Variants in AP2B1 observed in about 807,000 individuals in gnomAD.
AP2B1 encodes adaptor related protein complex 2 subunit beta 1.
AP2B1 carries 23 observed loss-of-function variants against 102.0 expected under a neutral mutation model. The ratio of observed to expected loss-of-function variants is 0.23; its 90% CI spans 0.16 to 0.32. AP2B1 has a LOEUF of 0.32. Ranked by LOEUF, AP2B1 falls within the 10% of genes least tolerant of loss-of-function variation. The pLI is 1.00. For synonymous variants in AP2B1, 381 were observed against 421.2 expected (o/e 0.90, Z 1.17); for missense variants, 541 against 1,157.4 (o/e 0.47, Z 7.73).
intron 18 of AP2B1, among the ~76,000 whole-genome samples, chr17:35,706,461 G>T (rs1813405115): frequency 6.6e-6 from 1 of 152,160 alleles, no homozygotes; most frequent in African/African-American, 2.4e-5. Context: ...TTCATGTAGG[G>T]TAGGGCCTGG....
chr17:35,662,616 G>A (rs1258258824), intron 14 of AP2B1, among the ~76,000 whole-genome samples: 2 of 148,440 alleles, frequency 1.3e-5, no homozygotes, highest in Non-Finnish European at 3.0e-5. Context: ...TCACCGTGCA[G>A]ATCCTTCTGG....
At chr17:35,717,122 G>A (rs2076565246) in intron 20 of AP2B1, 73 bp from the exon 21 acceptor site, 1 of 1,514,008 alleles carries the variant, frequency 6.6e-7, no homozygotes, top group African/African-American at 1.4e-5. Context: ...TGGCTCATAA[G>A]GATGTGAGAA....
At chr17:35,656,521 A>T (rs1453783119) in intron 13 of AP2B1, among the ~76,000 whole-genome samples, 3 of 152,220 alleles carry the variant, frequency 2.0e-5, no homozygotes, top group Non-Finnish European at 4.4e-5. Flanking sequence ...AGGTGCTAGA[A>T]TAATGTTTCT....
chr17:35,600,283 A>G (rs1402737015), intron 3 of AP2B1, among the ~76,000 whole-genome samples: 1 of 152,066 alleles, frequency 6.6e-6, no homozygotes, highest in Non-Finnish European at 1.5e-5. Context: ...GGGTTTCACC[A>G]TGTTGGCCAG....
intron 3 of AP2B1, among the ~76,000 whole-genome samples, chr17:35,602,713 C>T (rs948519298): frequency 2.0e-5 from 3 of 152,214 alleles, no homozygotes; most frequent in Non-Finnish European, 2.9e-5. Flanking sequence ...TCTCAGTTCA[C>T]ACTCGCCACA....
chr17:35,695,161 A>G (rs2076117222), intron 18 of AP2B1, among the ~76,000 whole-genome samples: 2 of 152,174 alleles, frequency 1.3e-5, no homozygotes, highest in South Asian at 4.1e-4. Context: ...GGAACTATAT[A>G]GAGTAATTCT....
chr17:35,600,389 A>G, intron 3 of AP2B1, among the ~76,000 whole-genome samples: 1 of 152,118 alleles, frequency 6.6e-6, no homozygotes, highest in Non-Finnish European at 1.5e-5. Flanking sequence ...CGGGCTGTCT[A>G]GTTTTAGTGT....
chr17:35,688,836 C>T (rs1045496367), intron 18 of AP2B1, among the ~76,000 whole-genome samples: 14 of 152,130 alleles, frequency 9.2e-5, no homozygotes, highest in South Asian at 4.2e-4. Context: ...TGGTGGCACA[C>T]GCCTATAGTC....
intron 14 of AP2B1, among the ~76,000 whole-genome samples, chr17:35,658,704 G>T (rs1257861631): frequency 6.6e-6 from 1 of 152,158 alleles, no homozygotes; most frequent in African/African-American, 2.4e-5. Context: ...TCATTGGAGG[G>T]CTGACATCTT....
intron 15 of AP2B1, 123 bp downstream of exon 15, chr17:35,671,021 C>A: frequency 1.0e-6 from 1 of 966,178 alleles, no homozygotes; most frequent in Non-Finnish European, 1.6e-6. Context: ...ACCTCTATAA[C>A]AGTATATGGG....
chr17:35,639,781 T>C (rs762907889), intron 11 of AP2B1, 21 bp downstream of exon 11: 2 of 1,608,652 alleles, frequency 1.2e-6, no homozygotes, highest in Non-Finnish European at 1.7e-6. Context: ...GTCTCTTGTC[T>C]ATCCTAGTAG....
At chr17:35,634,404 A>C (rs978779603) in intron 9 of AP2B1, among the ~76,000 whole-genome samples, 1 of 152,180 alleles carries the variant, frequency 6.6e-6, no homozygotes, top group Non-Finnish European at 1.5e-5. Context: ...TTCCTGTTGC[A>C]TCTTATCAGG....
intron 5 of AP2B1, among the ~76,000 whole-genome samples, chr17:35,612,888 A>ACC (rs2073906319): frequency 3.0e-5 from 1 of 33,344 alleles, no homozygotes. Flanking sequence ...GCGCACACAC[A>ACC]CACACACACA....
chr17:35,657,668 C>G lies in AP2B1; in HGVS notation c.1866C>G (p.Pro622=). Residue 622 remains proline, a synonymous_variant, in exon 14 of 22, where the codon CCC becomes CCG. Transcript: ENST00000610402. ...ATNLEQPQVI[P]SQGDLLGDLL... ...ACCTGGAACAGCCTCAGGTTATCCC[C>G]TCTCAAGGTGATCTTCTAGGGGATC... 1.2e-6 allele frequency: 2 copies of G among 1,614,180 alleles called. No individual in the cohort carries two copies. Among genetic ancestry groups the G allele is most frequent in the South Asian group, 2.2e-5 (2 of 91,082 alleles).
chr17:35,639,127 T>G (rs2142719106), intron 10 of AP2B1, among the ~76,000 whole-genome samples: 1 of 152,274 alleles, frequency 6.6e-6, no homozygotes, highest in South Asian at 2.1e-4. Context: ...GCCACAAGTT[T>G]GAGACCAGCC....
At chr17:35,623,021 A>G (rs1221589215) in intron 5 of AP2B1, among the ~76,000 whole-genome samples, 2 of 152,026 alleles carry the variant, frequency 1.3e-5, no homozygotes, top group African/African-American at 4.8e-5. Flanking sequence ...TTTCATCAGC[A>G]TCTGGGAACC....
intron 10 of AP2B1, among the ~76,000 whole-genome samples, chr17:35,637,017 A>C (rs138159794): frequency 0.017 from 2,518 of 152,350 alleles, 30 homozygotes; most frequent in Middle Eastern, 0.027. Context: ...TATAAAAAAA[A>C]ATCTGCATTT....
At chr17:35,590,100 A>G (rs534408128) in intron 1 of AP2B1, among the ~76,000 whole-genome samples, 3 of 151,654 alleles carry the variant, frequency 2.0e-5, no homozygotes, top group South Asian at 2.1e-4. Context: ...AATTTTTTGT[A>G]TTTTTAGTAG....
chr17:35,604,363 C>A (rs1404746502), intron 3 of AP2B1, among the ~76,000 whole-genome samples: 1 of 152,130 alleles, frequency 6.6e-6, no homozygotes, highest in Admixed American at 6.5e-5. Flanking sequence ...CCCACCATGG[C>A]CTCGCAAAGT....
Sources: gnomAD v4.1 joint callset for allele counts (sites outside exome capture counted in the v4.1 genomes callset) on GRCh38, gnomAD v4.1.1 for gene constraint, MANE v1.5 for transcripts, NCBI Gene and HGNC (gene_info 2026-07-23, HGNC 2026-07-21) for gene names.